MAPRE2: variants seen among roughly 807,000 people sequenced by gnomAD.
MAPRE2 encodes the protein microtubule-associated protein RP/EB family member 2.
A neutral mutation model predicts 43.2 loss-of-function variants in MAPRE2; 13 were observed. That is an observed-to-expected ratio of 0.30 (90% CI 0.20 to 0.48). MAPRE2 has a LOEUF of 0.48. Among genes scored for constraint, MAPRE2 ranks in the 20% least tolerant of loss-of-function variants. The probability of loss-of-function intolerance (pLI) is 0.99; values close to 1 mark genes in which losing one functional copy is unlikely to be tolerated. For synonymous variants in MAPRE2, 135 were observed against 148.8 expected (o/e 0.91, Z 0.68); for missense variants, 161 against 400.2 (o/e 0.40, Z 5.10).
chr18:35,053,552 A>G (rs1209343076), intron 1 of MAPRE2, among the ~76,000 whole-genome samples: 2 of 152,096 alleles, frequency 1.3e-5, no homozygotes, highest in African/African-American at 4.8e-5. Flanking sequence ...CTTGGTAGAT[A>G]GGAGATGCTC....
chr18:34,987,546 A>G (rs906084059), intron 1 of MAPRE2, among the ~76,000 whole-genome samples: 10 of 152,212 alleles, frequency 6.6e-5, no homozygotes, highest in African/African-American at 2.4e-4. Context: ...ACCCCCTAGA[A>G]GATAGATAAA....
At chr18:34,985,318 A>ATATATTATAT (rs2097019425) in intron 1 of MAPRE2, among the ~76,000 whole-genome samples, 2 of 44,392 alleles carry the variant, frequency 4.5e-5, no homozygotes, top group African/African-American at 1.9e-4. Flanking sequence ...ATATTATATT[A>ATATATTATAT]TATATATAAT....
intron 1 of MAPRE2, among the ~76,000 whole-genome samples, chr18:34,997,895 A>G (rs1767365374): frequency 6.6e-6 from 1 of 152,238 alleles, no homozygotes; most frequent in East Asian, 1.9e-4. Flanking sequence ...TTGCAAAACT[A>G]AGAGCTATAA....
intron 2 of MAPRE2, among the ~76,000 whole-genome samples, chr18:35,093,176 C>G (rs1354309753): frequency 7.9e-6 from 1 of 127,132 alleles, no homozygotes; most frequent in East Asian, 2.5e-4. Flanking sequence ...CATGACACTG[C>G]ACTCCAGGTT....
chr18:35,037,173 T>C (rs541387415), upstream of MAPRE2, among the ~76,000 whole-genome samples: 45 of 151,978 alleles, frequency 3.0e-4, no homozygotes, highest in African/African-American at 1.1e-3. Context: ...GCTTTTTTTT[T>C]TTTACCAGCT....
rs777705782 is a variant in MAPRE2 at position 35,141,811 on chromosome 18, T to A, written c.*1442T>A. ...AGAAACAAATGTGCCCACCCCACTT[T>A]CCGCTTAACTGAAAAGCTTAAAATA... is the stretch of plus-strand genomic sequence containing the variant. On this transcript the variant is annotated 3_prime_UTR_variant, in exon 7 of 7. Coordinates refer to ENST00000300249, the MANE Select transcript of MAPRE2 (RefSeq NM_014268.4). 1 of 152,220 alleles carries A rather than the reference T, an allele frequency of 6.6e-6. No homozygotes were observed. The highest frequency in any genetic ancestry group is 2.1e-4 in the South Asian group (1 of 4,824). 9.4% of individuals were successfully genotyped at this position (152,220 alleles called of 1,614,324 possible). A position where few individuals can be genotyped will look rare whatever the true frequency, so the allele number is the denominator to read the frequency against.
chr18:35,000,482 G>C (rs7230540), intron 1 of MAPRE2, among the ~76,000 whole-genome samples: 25,968 of 152,170 alleles, frequency 0.17, 2,426 homozygotes, highest in East Asian at 0.3. Flanking sequence ...GCCAGAGGAT[G>C]GGGGGACTCC....
At chr18:35,012,674 T>C (rs761700451) in intron 2 of MAPRE2, among the ~76,000 whole-genome samples, 1 of 152,220 alleles carries the variant, frequency 6.6e-6, no homozygotes, top group Non-Finnish European at 1.5e-5. Flanking sequence ...ATTCCACTTA[T>C]GTGAGCTATC....
chr18:34,978,385 C>A (rs775746583), intron 1 of MAPRE2: 23 of 839,814 alleles, frequency 2.7e-5, no homozygotes, highest in Non-Finnish European at 4.6e-5. Flanking sequence ...ACCCTGGGGC[C>A]GCGCTGCGAG....
At position 35,140,740 on chromosome 18, in the gene MAPRE2, G is replaced by T; in HGVS notation, c.*371G>T. On this transcript the variant is annotated 3_prime_UTR_variant, in exon 7 of 7. Transcript: ENST00000300249. ...GTGAAACAATGGTAATTTGATATAT[G>T]GTATTTATATTGGCATTTTTCAACC... The T allele has an allele frequency of 4.8e-6, 1 of 210,252 alleles. No homozygotes were observed. Among genetic ancestry groups the T allele is most frequent in the Non-Finnish European group, 9.6e-6 (1 of 104,558 alleles). The allele number at this position is 210,252 out of a possible 1,614,324, so 13.0% of individuals were successfully genotyped here. A position where few individuals can be genotyped will look rare whatever the true frequency, so the allele number is the denominator to read the frequency against.
intron 2 of MAPRE2, among the ~76,000 whole-genome samples, chr18:35,031,385 A>C (rs146861730): frequency 6.6e-6 from 1 of 152,192 alleles, no homozygotes; most frequent in African/African-American, 2.4e-5. Context: ...TACTTAATAC[A>C]CTTTTCATTA....
chr18:34,978,163 T>G (rs1292717167), intron 1 of MAPRE2: 5 of 355,920 alleles, frequency 1.4e-5, no homozygotes, highest in Non-Finnish European at 2.6e-5. Context: ...CAGCCAACAC[T>G]GCTGTCCCCT....
At chr18:35,105,169 A>T (rs1385480318) in intron 4 of MAPRE2, among the ~76,000 whole-genome samples, 1 of 152,140 alleles carries the variant, frequency 6.6e-6, no homozygotes, top group Non-Finnish European at 1.5e-5. Flanking sequence ...TGAAAGAGAA[A>T]TATATATTTT....
intron 4 of MAPRE2, among the ~76,000 whole-genome samples, chr18:35,125,969 A>G (rs1218017153): frequency 6.6e-6 from 1 of 152,102 alleles, no homozygotes; most frequent in Admixed American, 6.5e-5. Context: ...AAACCCTCTC[A>G]CCTAAAGTTT....
At chr18:35,034,271 C>T (rs908831978) in intron 2 of MAPRE2, among the ~76,000 whole-genome samples, 1 of 152,112 alleles carries the variant, frequency 6.6e-6, no homozygotes, top group African/African-American at 2.4e-5. Context: ...GAAAGGATAC[C>T]CTATTTAATA....
intron 1 of MAPRE2, among the ~76,000 whole-genome samples, chr18:35,002,147 A>G (rs1173848784): frequency 1.3e-5 from 2 of 152,150 alleles, no homozygotes; most frequent in Non-Finnish European, 2.9e-5. Context: ...CCATTTCTAT[A>G]GTTTTCCCAT....
At chr18:35,106,621 T>G (rs1374830454) in intron 4 of MAPRE2, among the ~76,000 whole-genome samples, 1 of 152,192 alleles carries the variant, frequency 6.6e-6, no homozygotes, top group Non-Finnish European at 1.5e-5. Context: ...CATGCTAGAT[T>G]TTTCAACCAT....
At chr18:35,063,715 TG>T (rs1368392852) in intron 1 of MAPRE2, among the ~76,000 whole-genome samples, 1 of 151,906 alleles carries the variant, frequency 6.6e-6, no homozygotes, top group African/African-American at 2.4e-5. Flanking sequence ...AAAGTCAGGC[TG>T]GGTACTGTGG....
chr18:35,133,791 T>C (rs991933795), intron 6 of MAPRE2, among the ~76,000 whole-genome samples: 1 of 152,148 alleles, frequency 6.6e-6, no homozygotes, highest in African/African-American at 2.4e-5. Context: ...CCGGCTAAGA[T>C]AGGTGGACAG....
Sources: allele counts gnomAD v4.1 joint callset (sites outside exome capture counted in the v4.1 genomes callset), GRCh38; gene constraint gnomAD v4.1.1; transcripts MANE v1.5; gene names NCBI Gene and HGNC (gene_info 2026-07-23, HGNC 2026-07-21).